Variants in CHCHD6 observed in about 807,000 individuals in gnomAD.
CHCHD6 encodes coiled-coil-helix-coiled-coil-helix domain containing 6.
Under a neutral mutation model 32.3 loss-of-function variants are expected in CHCHD6, and 28 were observed. The ratio of observed to expected loss-of-function variants is 0.87; its 90% CI spans 0.64 to 1.19. The LOEUF (loss-of-function observed/expected upper bound fraction) is 1.19, where lower values mean the gene tolerates loss of function less well. CHCHD6 is among the 50% of genes most tolerant of loss of function. The probability of loss-of-function intolerance (pLI) is 0.00; values close to 1 mark genes in which losing one functional copy is unlikely to be tolerated. For missense variants in CHCHD6, 333 were observed against 307.0 expected, an observed-to-expected ratio of 1.08 and a Z score of -0.63; for synonymous variants, 122 against 117.5, an observed-to-expected ratio of 1.04 and a Z score of -0.25.
chr3:126,831,759 AG>A (rs1441288552), intron 4 of CHCHD6, among the ~76,000 whole-genome samples: 1 of 152,214 alleles, frequency 6.6e-6, no homozygotes, highest in Non-Finnish European at 1.5e-5. Flanking sequence ...CCAATACTGA[AG>A]AAGGGAAAAC....
intron 5 of CHCHD6, among the ~76,000 whole-genome samples, chr3:126,866,847 C>T (rs1369192828): frequency 2.0e-5 from 3 of 152,160 alleles, no homozygotes; most frequent in South Asian, 2.1e-4. Flanking sequence ...CTCTAAAAAC[C>T]GTGGGCATTT....
intron 4 of CHCHD6, among the ~76,000 whole-genome samples, chr3:126,833,195 A>G (rs1940711311): frequency 6.6e-6 from 1 of 152,154 alleles, no homozygotes; most frequent in Non-Finnish European, 1.5e-5. Flanking sequence ...AGCAGAGTAA[A>G]AGCCCTGTAC....
chr3:126,745,014 G>T (rs1317013707), intron 4 of CHCHD6, among the ~76,000 whole-genome samples: 2 of 152,210 alleles, frequency 1.3e-5, no homozygotes, highest in Non-Finnish European at 2.9e-5. Flanking sequence ...AGAAGGAAGG[G>T]CTGAGAGCCT....
chr3:126,755,347 G>A (rs986124463), intron 4 of CHCHD6, among the ~76,000 whole-genome samples: 3 of 152,202 alleles, frequency 2.0e-5, no homozygotes, highest in Non-Finnish European at 4.4e-5. Flanking sequence ...GAGGCTAGGT[G>A]GCCTGTCCAA....
intron 6 of CHCHD6, among the ~76,000 whole-genome samples, chr3:126,916,416 A>G (rs949696911): frequency 6.6e-6 from 1 of 151,728 alleles, no homozygotes; most frequent in African/African-American, 2.4e-5. Flanking sequence ...AAAAAAAAAA[A>G]AGAAGGCCAA....
intron 5 of CHCHD6, among the ~76,000 whole-genome samples, chr3:126,909,082 C>T (rs73207625): frequency 0.025 from 3,819 of 152,324 alleles, 58 homozygotes; most frequent in Middle Eastern, 0.061. Flanking sequence ...CCCTCTTAGG[C>T]TCCTTCTCTC....
intron 4 of CHCHD6, among the ~76,000 whole-genome samples, chr3:126,746,879 G>C (rs1936526152): frequency 6.6e-6 from 1 of 152,116 alleles, no homozygotes; most frequent in Admixed American, 6.5e-5. Context: ...GGAGGAGTGG[G>C]CTTTGCCACT....
intron 5 of CHCHD6, among the ~76,000 whole-genome samples, chr3:126,890,538 G>T (rs1457490244): frequency 6.6e-6 from 1 of 152,274 alleles, no homozygotes; most frequent in Admixed American, 6.5e-5. Context: ...AGGAGGAGAG[G>T]TTGGGGATGA....
intron 6 of CHCHD6, among the ~76,000 whole-genome samples, chr3:126,931,336 G>A (rs2078402203): frequency 6.6e-6 from 1 of 152,226 alleles, no homozygotes; most frequent in Non-Finnish European, 1.5e-5. Context: ...ATTCGCAGCA[G>A]GCCTTTCCTT....
intron 5 of CHCHD6, among the ~76,000 whole-genome samples, chr3:126,912,503 G>A (rs2078105746): frequency 6.6e-6 from 1 of 152,222 alleles, no homozygotes; most frequent in Admixed American, 6.5e-5. Flanking sequence ...CCTGTCGTAT[G>A]CCGGGAGGGT....
At chr3:126,800,281 T>C (rs74404881) in intron 4 of CHCHD6, among the ~76,000 whole-genome samples, 12,385 of 152,272 alleles carry the variant, frequency 0.081, 689 homozygotes, top group African/African-American at 0.15. Flanking sequence ...CCCTTTGCTC[T>C]GTCCCCAAGC....
chr3:126,894,293 A>G (rs761799382), intron 5 of CHCHD6, among the ~76,000 whole-genome samples: 38 of 152,198 alleles, frequency 2.5e-4, no homozygotes, highest in Non-Finnish European at 4.7e-4. Context: ...CCAGGAGCCC[A>G]CGGTTCTCCT....
chr3:126,756,142 C>T (rs1576377316), intron 4 of CHCHD6, among the ~76,000 whole-genome samples: 1 of 152,072 alleles, frequency 6.6e-6, no homozygotes, highest in East Asian at 1.9e-4. Context: ...CCGAGTTTCC[C>T]ACTGTGGTCG....
At chr3:126,745,241 G>A (rs1936447766) in intron 4 of CHCHD6, among the ~76,000 whole-genome samples, 1 of 152,164 alleles carries the variant, frequency 6.6e-6, no homozygotes, top group South Asian at 2.1e-4. Context: ...CAGGTGGCGA[G>A]GGCACTTTCC....
At chr3:126,803,417 A>G (rs1005089296) in intron 4 of CHCHD6, among the ~76,000 whole-genome samples, 23 of 152,196 alleles carry the variant, frequency 1.5e-4, no homozygotes. Flanking sequence ...TTGCAATCCT[A>G]GTCTCTGATA....
chr3:126,895,244 G>A (rs180798158), intron 5 of CHCHD6, among the ~76,000 whole-genome samples: 8 of 152,286 alleles, frequency 5.3e-5, no homozygotes, highest in South Asian at 2.1e-4. Context: ...GCTAGAACCC[G>A]GAATGGTGAG....
chr3:126,709,716 G>A (rs1934665946), intron 1 of CHCHD6, among the ~76,000 whole-genome samples: 1 of 152,160 alleles, frequency 6.6e-6, no homozygotes, highest in African/African-American at 2.4e-5. Flanking sequence ...TCTCATCGTG[G>A]TTTGAATTTG....
intron 4 of CHCHD6, among the ~76,000 whole-genome samples, chr3:126,749,222 T>G (rs1936628261): frequency 6.6e-6 from 1 of 152,104 alleles, no homozygotes; most frequent in Non-Finnish European, 1.5e-5. Flanking sequence ...TGAAAGGTTT[T>G]CATAGAGATT....
In CHCHD6 at chr3:126,704,342, C is replaced by T; in HGVS notation, c.30C>T (p.Arg10=). MGSTESSEG[R]RVSFGVDEEE... Reference sequence around the variant, plus strand: ...GGAGCACGGAGAGCAGCGAGGGCCGCAGGGTGTCCTTCGGAGTGGACGAGG... The same window carrying T: ...GGAGCACGGAGAGCAGCGAGGGCCGTAGGGTGTCCTTCGGAGTGGACGAGG... The change falls in exon 1 of 8, where the codon CGC becomes CGT. Residue 10 remains arginine (R), a synonymous_variant. Transcript: ENST00000290913. 1 of 1,601,482 alleles carries T rather than the reference C, an allele frequency of 6.2e-7. No individual in the cohort carries two copies. Among genetic ancestry groups the T allele is most frequent in the Non-Finnish European group, 8.5e-7 (1 of 1,175,648 alleles).
Sources: allele counts gnomAD v4.1 joint callset (sites outside exome capture counted in the v4.1 genomes callset), GRCh38; gene constraint gnomAD v4.1.1; transcripts MANE v1.5; gene names NCBI Gene and HGNC (gene_info 2026-07-23, HGNC 2026-07-21).